COL22A1: variants seen among roughly 807,000 people sequenced by gnomAD.
The protein encoded by COL22A1 is collagen type XXII alpha 1 chain.
COL22A1 carries 221 observed loss-of-function variants against 248.9 expected under a neutral mutation model. The observed-to-expected ratio is 0.89, with a 90% CI of 0.80 to 0.99. COL22A1 has a LOEUF of 0.99. Among genes scored for constraint, COL22A1 ranks in the 50% least tolerant of loss-of-function variants. The pLI is 0.00. For synonymous variants in COL22A1, 891 were observed against 793.4 expected (o/e 1.12, Z -2.07); for missense variants, 2,240 against 2,179.0 (o/e 1.03, Z -0.56).
chr8:138,621,903 G>T (rs1350232090), intron 52 of COL22A1, among the ~76,000 whole-genome samples: 1 of 152,196 alleles, frequency 6.6e-6, no homozygotes, highest in South Asian at 2.1e-4. Flanking sequence ...CAGCTCTGCT[G>T]GGTGTCAGTC....
At chr8:138,820,291 C>G (rs1355863154) in intron 7 of COL22A1, among the ~76,000 whole-genome samples, 1 of 152,096 alleles carries the variant, frequency 6.6e-6, no homozygotes, top group African/African-American at 2.4e-5. Flanking sequence ...TGTTATTTCT[C>G]AGGCAGTGGG....
In COL22A1 at chr8:138,720,750, G is replaced by T. The variant is rs777260638; in HGVS notation, c.2344C>A (p.Pro782Thr). The change falls in exon 27 of 65, where the codon CCA (proline) becomes ACA (threonine). Residue 782 changes from proline to threonine, a missense_variant. Coordinates refer to ENST00000303045, the MANE Select transcript of COL22A1 (RefSeq NM_152888.3). ...GGCAAAGTCCATACCCGAAGGCCTG[G>T]TTTTCCAGGCAGACCATCTTCCCCT... is the stretch of plus-strand genomic sequence containing the variant. ...ERGEDGLPGK[P>T]GLRGEIGEQG... The T allele has an allele frequency of 6.2e-6, 10 of 1,613,808 alleles. No individual in the cohort carries two copies. In the East Asian group the frequency reaches 2.0e-4, roughly 32 times the overall value.
intron 7 of COL22A1, among the ~76,000 whole-genome samples, chr8:138,818,333 T>C (rs1031536650): frequency 2.6e-5 from 4 of 152,156 alleles, no homozygotes; most frequent in Admixed American, 1.3e-4. Flanking sequence ...TACTTTTCAG[T>C]TGGAATCTCC....
chr8:138,613,812 G>T, intron 56 of COL22A1, 55 bp downstream of exon 56: 1 of 1,409,212 alleles, frequency 7.1e-7, no homozygotes, highest in Non-Finnish European at 1.0e-6. Context: ...AAATATCATT[G>T]TGGTAAAAGG....
At chr8:138,871,071 T>C (rs943922501) in intron 3 of COL22A1, among the ~76,000 whole-genome samples, 1 of 152,012 alleles carries the variant, frequency 6.6e-6, no homozygotes, top group Admixed American at 6.6e-5. Context: ...AGCAGGGCCA[T>C]GCCCACTTTG....
rs142590403 is a variant in COL22A1, at chr8:138,720,888, C to T, written c.2302-96G>A. 4.0e-6 allele frequency: 4 copies of T among 1,005,320 alleles called. No homozygotes were observed. In the African/African-American group the frequency reaches 6.3e-5, roughly 16 times the overall value. 62.3% of individuals were successfully genotyped at this position (1,005,320 alleles called of 1,614,324 possible). A position where few individuals can be genotyped will look rare whatever the true frequency, so the allele number is the denominator to read the frequency against. On this transcript the variant is annotated intron_variant, in intron 26 of 64. Transcript: ENST00000303045. ...CACAGGTTGGAAGGAAGAGAACTAC[C>T]TGCACTCGGGTGGTTTTGAACTGCT...
At chr8:138,813,761 C>T (rs1042564025) in intron 7 of COL22A1, among the ~76,000 whole-genome samples, 2 of 152,036 alleles carry the variant, frequency 1.3e-5, no homozygotes, top group African/African-American at 4.8e-5. Context: ...GGTGCTAAGG[C>T]CTCTGCCCTC....
At chr8:138,801,323 A>T (rs546221652) in intron 11 of COL22A1, among the ~76,000 whole-genome samples, 18 of 152,180 alleles carry the variant, frequency 1.2e-4, no homozygotes, top group Non-Finnish European at 1.8e-4. Flanking sequence ...ACTATGTCAA[A>T]AGTTGTTCCA....
chr8:138,798,202 T>C (rs1816713328), intron 11 of COL22A1, among the ~76,000 whole-genome samples: 2 of 151,638 alleles, frequency 1.3e-5, no homozygotes, highest in Non-Finnish European at 2.9e-5. Context: ...GGATATAGTT[T>C]GATCTTGTTA....
rs1227118379 is a variant in COL22A1 at position 138,774,986 on chromosome 8, G to C, written c.1803+980C>G. Among the ~76,000 whole-genome samples, 4 of 152,280 alleles carry C rather than the reference G, an allele frequency of 2.6e-5. 1 individual carries two copies. The East Asian group carries it at 5.8e-4, about 22-fold the overall frequency. ...GAAATATGCCTACGTGCCCACTATAGTTGTATCAGGATGGCAGGATTACAG... is the reference window on the plus strand; with the variant it reads ...GAAATATGCCTACGTGCCCACTATACTTGTATCAGGATGGCAGGATTACAG... On this transcript the variant is annotated intron_variant, in intron 16 of 64. Transcript: ENST00000303045.
chr8:138,821,012 C>T lies in COL22A1; in HGVS notation c.1245+124G>A, dbSNP rs187543851. ...TGAGTCAGGGTCTTTCCTTCTAAGA[C>T]GGTCCAAGGTGATGATTTGGTACCT... is the stretch of plus-strand genomic sequence containing the variant. On this transcript the variant is annotated intron_variant, in intron 7 of 64. Coordinates refer to ENST00000303045, the MANE Select transcript of COL22A1 (RefSeq NM_152888.3). The T allele has an allele frequency of 6.3e-4, 662 of 1,058,480 alleles. 6 individuals are homozygous for T. In the African/African-American group the frequency reaches 8.9e-3, roughly 14 times the overall value. 65.6% of individuals were successfully genotyped at this position (1,058,480 alleles called of 1,614,324 possible).
chr8:138,688,758 A>G (rs1826571165), intron 37 of COL22A1, among the ~76,000 whole-genome samples, 159 bp downstream of exon 37: 1 of 152,034 alleles, frequency 6.6e-6, no homozygotes, highest in Non-Finnish European at 1.5e-5. Flanking sequence ...GGAATAAATG[A>G]GCCAATGGGA....
At chr8:138,844,023 T>C (rs1032341005) in intron 4 of COL22A1, 61 bp downstream of exon 4, 7 of 1,443,668 alleles carry the variant, frequency 4.8e-6, no homozygotes, top group Non-Finnish European at 6.8e-6. Context: ...ACTAGGGTCA[T>C]GCTCAGGCTC....
At chr8:138,741,066 C>G (rs1239326182) in intron 22 of COL22A1, among the ~76,000 whole-genome samples, 1 of 152,178 alleles carries the variant, frequency 6.6e-6, no homozygotes, top group Non-Finnish European at 1.5e-5. Context: ...ACCATCATCT[C>G]CTAAGCAAGA....
intron 37 of COL22A1, 132 bp from the exon 38 acceptor site, chr8:138,685,444 G>A: frequency 1.4e-6 from 1 of 729,754 alleles, no homozygotes; most frequent in South Asian, 1.6e-5. Flanking sequence ...CATGCTTTCT[G>A]GGACACAGAA....
chr8:138,728,923 C>G (rs908244558), intron 23 of COL22A1, among the ~76,000 whole-genome samples: 1 of 152,098 alleles, frequency 6.6e-6, no homozygotes, highest in East Asian at 1.9e-4. Context: ...TCCAGGCCAG[C>G]TCCGTATTCC....
In COL22A1 at chr8:138,878,075, G is replaced by A. The variant is rs369045292; in HGVS notation, c.333C>T (p.His111=). 31 of 1,598,634 alleles carry A rather than the reference G, an allele frequency of 1.9e-5. No individual in the cohort carries two copies. The highest frequency in any genetic ancestry group is 3.5e-5 in the Admixed American group (2 of 57,768). Residue 111 remains histidine, a synonymous_variant, in exon 3 of 65, where the codon CAC becomes CAT. Coordinates refer to ENST00000303045, the MANE Select transcript of COL22A1 (RefSeq NM_152888.3). The part of the protein sequence containing the change: ...VKAAARRLAY[H]GGNTNTGDAL... ...CGTCTCCCGTGTTGGTGTTGCCCCCGTGGTAGGCGAGACGCCGGGCAGCCG... is the reference window on the plus strand; with the variant it reads ...CGTCTCCCGTGTTGGTGTTGCCCCCATGGTAGGCGAGACGCCGGGCAGCCG...
chr8:138,865,515 CTGTG>C (rs1822799536), intron 3 of COL22A1, among the ~76,000 whole-genome samples: 1 of 144,490 alleles, frequency 6.9e-6, no homozygotes, highest in African/African-American at 2.6e-5. Context: ...GTTTGTATGC[CTGTG>C]TGTGAGTATA....
At chr8:138,881,794 C>T (rs1207431245) in intron 2 of COL22A1, among the ~76,000 whole-genome samples, 1 of 152,220 alleles carries the variant, frequency 6.6e-6, no homozygotes, top group Non-Finnish European at 1.5e-5. Flanking sequence ...AGTATATGGA[C>T]ATCCCACCTG....
Sources: allele counts gnomAD v4.1 joint callset (sites outside exome capture counted in the v4.1 genomes callset), GRCh38; gene constraint gnomAD v4.1.1; transcripts MANE v1.5; gene names NCBI Gene and HGNC (gene_info 2026-07-23, HGNC 2026-07-21).